The following CNTN4 variants were observed in gnomAD, a reference collection of about 807,000 sequenced individuals.
The protein encoded by CNTN4 is contactin-4.
A neutral mutation model predicts 122.5 loss-of-function variants in CNTN4; 77 were observed. The observed-to-expected ratio is 0.63, with a 90% CI of 0.52 to 0.76. The LOEUF is 0.76. Ranked by LOEUF, CNTN4 falls within the 30% of genes least tolerant of loss-of-function variation. The pLI is 0.00. For missense variants in CNTN4, 1,256 were observed against 1,259.1 expected, an observed-to-expected ratio of 1.00 and a Z score of 0.04; for synonymous variants, 512 against 447.0, an observed-to-expected ratio of 1.15 and a Z score of -1.83.
At chr3:2,649,741 G>A (rs779466278) in intron 4 of CNTN4, among the ~76,000 whole-genome samples, 1 of 151,980 alleles carries the variant, frequency 6.6e-6, no homozygotes, top group African/African-American at 2.4e-5. Flanking sequence ...CATTTTATAA[G>A]GTTATAGCTG....
intron 4 of CNTN4, among the ~76,000 whole-genome samples, chr3:2,587,494 G>C (rs754052948): frequency 3.3e-5 from 5 of 152,102 alleles, no homozygotes; most frequent in Admixed American, 6.6e-5. Flanking sequence ...TCTTCAGCAG[G>C]GTTCTTGGAT....
intron 14 of CNTN4, among the ~76,000 whole-genome samples, chr3:3,002,718 G>A (rs1002825285): frequency 6.6e-6 from 1 of 152,050 alleles, no homozygotes; most frequent in Non-Finnish European, 1.5e-5. Context: ...GAAGAAGTTG[G>A]AATAAAGCAT....
chr3:2,355,625 A>C (rs1331910041), intron 3 of CNTN4, among the ~76,000 whole-genome samples: 10 of 152,008 alleles, frequency 6.6e-5, no homozygotes, highest in Non-Finnish European at 1.3e-4. Context: ...CCCTGAAGGT[A>C]TTTTCTTTCA....
At chr3:2,521,343 T>TCGGCCC (rs781282977) in intron 3 of CNTN4, among the ~76,000 whole-genome samples, 16 of 128,298 alleles carry the variant, frequency 1.2e-4, no homozygotes, top group Admixed American at 2.4e-4. Flanking sequence ...CCTCTACCCA[T>TCGGCCC]CCCCCCCACC....
chr3:2,245,841 G>A (rs934112596), intron 2 of CNTN4, among the ~76,000 whole-genome samples: 6 of 152,018 alleles, frequency 3.9e-5, no homozygotes, highest in African/African-American at 7.2e-5. Flanking sequence ...TAGCTCTGCT[G>A]AAGTTTTTAT....
chr3:2,603,400 G>T (rs1039353773), intron 4 of CNTN4, among the ~76,000 whole-genome samples: 1 of 152,064 alleles, frequency 6.6e-6, no homozygotes, highest in African/African-American at 2.4e-5. Context: ...TGGAAGTCCT[G>T]GTTTATCGGT....
At chr3:2,689,922 G>A (rs970867266) in intron 4 of CNTN4, among the ~76,000 whole-genome samples, 14 of 152,202 alleles carry the variant, frequency 9.2e-5, no homozygotes, top group African/African-American at 2.2e-4. Context: ...AGGTAGGGGC[G>A]TGTGTGTTTG....
intron 3 of CNTN4, among the ~76,000 whole-genome samples, chr3:2,445,446 T>C (rs1161872666): frequency 6.6e-6 from 1 of 152,192 alleles, no homozygotes; most frequent in Non-Finnish European, 1.5e-5. Flanking sequence ...TCATGGAACA[T>C]CATGCAAGTG....
At chr3:2,496,105 T>C (rs921562535) in intron 3 of CNTN4, among the ~76,000 whole-genome samples, 11 of 152,204 alleles carry the variant, frequency 7.2e-5, no homozygotes, top group Non-Finnish European at 1.5e-4. Flanking sequence ...TTCTGTGTAG[T>C]AGTTATAAAA....
At chr3:2,790,523 C>G (rs973383) in intron 6 of CNTN4, among the ~76,000 whole-genome samples, 86,386 of 152,082 alleles carry the variant, frequency 0.57, 24,494 homozygotes, top group East Asian at 0.66. Flanking sequence ...TGCTCAGTGT[C>G]ACTGGGACCC....
intron 3 of CNTN4, among the ~76,000 whole-genome samples, chr3:2,504,713 G>T (rs902232808): frequency 1.3e-5 from 2 of 152,126 alleles, no homozygotes; most frequent in South Asian, 4.1e-4. Flanking sequence ...GAAATATTGT[G>T]ATCAAACAAC....
At chr3:3,045,378 C>T (rs562764200) in intron 23 of CNTN4, among the ~76,000 whole-genome samples, 2 of 152,218 alleles carry the variant, frequency 1.3e-5, no homozygotes, top group East Asian at 3.9e-4. Context: ...GAGGTACCCC[C>T]CAGTAGGGGC....
chr3:2,276,438 T>G (rs1285767721), intron 2 of CNTN4, among the ~76,000 whole-genome samples: 1 of 152,136 alleles, frequency 6.6e-6, no homozygotes, highest in Non-Finnish European at 1.5e-5. Context: ...CCTCCCAAAG[T>G]GCTGGGATTA....
intron 17 of CNTN4, among the ~76,000 whole-genome samples, chr3:3,036,160 C>T (rs551043569): frequency 6.6e-6 from 1 of 152,198 alleles, no homozygotes; most frequent in Non-Finnish European, 1.5e-5. Flanking sequence ...AAGATACACA[C>T]TCCTCTAGAC....
chr3:2,441,724 G>C (rs1227526500), intron 3 of CNTN4, among the ~76,000 whole-genome samples: 1 of 152,152 alleles, frequency 6.6e-6, no homozygotes, highest in African/African-American at 2.4e-5. Flanking sequence ...AGAAAGGCCT[G>C]TCTCCAGATT....
intron 2 of CNTN4, among the ~76,000 whole-genome samples, chr3:2,174,540 A>AGG (rs775152246): frequency 2.6e-5 from 4 of 152,112 alleles, no homozygotes; most frequent in Non-Finnish European, 5.9e-5. Context: ...CTCTTTGATG[A>AGG]GGGCACTAAT....
intron 3 of CNTN4, among the ~76,000 whole-genome samples, chr3:2,374,689 A>G (rs1378046919): frequency 1.3e-5 from 2 of 152,254 alleles, no homozygotes; most frequent in Non-Finnish European, 2.9e-5. Context: ...ATTGGAAGCA[A>G]TAAAATATTT....
At chr3:2,837,014 T>C (rs1157521482) in intron 7 of CNTN4, among the ~76,000 whole-genome samples, 2 of 152,172 alleles carry the variant, frequency 1.3e-5, no homozygotes, top group Non-Finnish European at 2.9e-5. Flanking sequence ...TTTATAATTA[T>C]TGGGTGATGA....
intron 2 of CNTN4, among the ~76,000 whole-genome samples, chr3:2,323,217 C>G (rs2043331212): frequency 6.6e-6 from 1 of 152,098 alleles, no homozygotes; most frequent in African/African-American, 2.4e-5. Flanking sequence ...ATGAAGTCTC[C>G]TATAGGAAAG....
Sources: allele counts gnomAD v4.1 joint callset (sites outside exome capture counted in the v4.1 genomes callset), GRCh38; gene constraint gnomAD v4.1.1; transcripts MANE v1.5; gene names NCBI Gene and HGNC (gene_info 2026-07-23, HGNC 2026-07-21).